Variants in EVI5 observed in about 807,000 individuals in gnomAD.
EVI5 encodes the protein ecotropic viral integration site 5 protein homolog.
Under a neutral mutation model 112.0 loss-of-function variants are expected in EVI5, and 73 were observed. That is an observed-to-expected ratio of 0.65 (90% confidence interval 0.54 to 0.79). The LOEUF (loss-of-function observed/expected upper bound fraction) is 0.79. Among genes scored for constraint, EVI5 ranks in the 30% least tolerant of loss-of-function variants. EVI5 has a pLI of 0.00. For synonymous variants in EVI5, 305 were observed against 319.9 expected (o/e 0.95, Z 0.50); for missense variants, 900 against 968.8 (o/e 0.93, Z 0.94).
chr1:92,568,545 T>C (rs960990607), intron 18 of EVI5, among the ~76,000 whole-genome samples: 2 of 152,228 alleles, frequency 1.3e-5, no homozygotes, highest in Admixed American at 1.3e-4. Context: ...TGTATGTGTA[T>C]GATTTCATGC....
At chr1:92,651,838 G>A (rs1224280787) in intron 13 of EVI5, among the ~76,000 whole-genome samples, 63 of 128,352 alleles carry the variant, frequency 4.9e-4, no homozygotes, top group Admixed American at 3.8e-3. Context: ...GCGACAGAGC[G>A]AGACTCCGTC....
intron 1 of EVI5, chr1:92,756,447 T>C: frequency 1.9e-6 from 1 of 539,922 alleles, no homozygotes; most frequent in Non-Finnish European, 3.8e-6. Flanking sequence ...TCTTCGAGGA[T>C]TATACTTCGT....
intron 10 of EVI5, among the ~76,000 whole-genome samples, chr1:92,671,232 G>A (rs2102265200): frequency 6.6e-6 from 1 of 152,164 alleles, no homozygotes; most frequent in African/African-American, 2.4e-5. Context: ...AAAATGCAAT[G>A]GTCATTTCTC....
At position 92,665,924 on chromosome 1, in the gene EVI5, T is replaced by C; in HGVS notation, c.1212+15A>G. ...GGCATTCAACAGAAGCTTGCATAAG[T>C]AGTCACTTACTTACTTTTTCTAATG... On this transcript the variant is annotated intron_variant, in intron 11 of 19. Coordinates refer to ENST00000684568, the MANE Select transcript of EVI5 (RefSeq NM_001350197.2). 2 of 1,564,522 alleles carry C rather than the reference T, an allele frequency of 1.3e-6. No individual in the cohort carries two copies. The highest frequency in any genetic ancestry group is 1.8e-5 in the Admixed American group (1 of 55,898).
intron 16 of EVI5, among the ~76,000 whole-genome samples, chr1:92,622,085 A>C (rs1654716418): frequency 6.6e-6 from 1 of 151,912 alleles, no homozygotes. Flanking sequence ...TGGCCACTGC[A>C]CTCCAGCCTG....
intron 9 of EVI5, among the ~76,000 whole-genome samples, chr1:92,687,987 G>C (rs1172537910): frequency 2.0e-5 from 3 of 152,130 alleles, no homozygotes; most frequent in Non-Finnish European, 4.4e-5. Context: ...ATTCCTCAAG[G>C]ATCTAGAACT....
intron 19 of EVI5, among the ~76,000 whole-genome samples, chr1:92,539,681 C>T (rs1664496931): frequency 6.6e-6 from 1 of 152,026 alleles, no homozygotes; most frequent in African/African-American, 2.4e-5. Flanking sequence ...AAGAGAAAGA[C>T]TATGAATTTT....
intron 19 of EVI5, among the ~76,000 whole-genome samples, chr1:92,517,921 A>C (rs1045808878): frequency 3.9e-4 from 53 of 136,672 alleles, no homozygotes; most frequent in Non-Finnish European, 6.0e-4. Context: ...CGGGGGAGAC[A>C]CGGTCTGGCA....
intron 2 of EVI5, among the ~76,000 whole-genome samples, chr1:92,715,299 G>A (rs887374450): frequency 1.3e-5 from 2 of 152,202 alleles, no homozygotes; most frequent in South Asian, 2.1e-4. Flanking sequence ...ATAAGCCACC[G>A]TGCCCTGACA....
upstream of EVI5, among the ~76,000 whole-genome samples, chr1:92,787,918 GATAA>G (rs768973389): frequency 4.6e-5 from 7 of 152,054 alleles, no homozygotes; most frequent in African/African-American, 9.7e-5. Context: ...TCTATGTGAA[GATAA>G]ATAAATGACA....
At chr1:92,691,664 T>C (rs1348221920) in intron 9 of EVI5, among the ~76,000 whole-genome samples, 3 of 151,710 alleles carry the variant, frequency 2.0e-5, no homozygotes, top group South Asian at 2.1e-4. Context: ...GAGAGAGAGG[T>C]TGAAGATAGA....
intron 1 of EVI5, among the ~76,000 whole-genome samples, chr1:92,747,070 C>A (rs1679366062): frequency 6.6e-6 from 1 of 152,104 alleles, no homozygotes. Flanking sequence ...ACAGGTTCCA[C>A]ATCCGCAGGT....
At chr1:92,627,837 T>C (rs1656016829) in intron 14 of EVI5, among the ~76,000 whole-genome samples, 1 of 152,106 alleles carries the variant, frequency 6.6e-6, no homozygotes, top group Non-Finnish European at 1.5e-5. Flanking sequence ...TCGCCCAGGC[T>C]GGAGCGCAAT....
chr1:92,597,163 A>G (rs886641006), intron 18 of EVI5, among the ~76,000 whole-genome samples: 1 of 152,188 alleles, frequency 6.6e-6, no homozygotes, highest in African/African-American at 2.4e-5. Context: ...AAGAAAACAA[A>G]AAGACAAAAA....
In EVI5 at chr1:92,661,034, C is replaced by A. The variant is rs373214494; in HGVS notation, c.1392+1685G>T. ...TTGGGAAAAAACACACACACACACACAAAACTGTCTTTGAGTATACAAGAT... is the reference window on the plus strand; with the variant it reads ...TTGGGAAAAAACACACACACACACAAAAAACTGTCTTTGAGTATACAAGAT... On this transcript the variant is annotated intron_variant, in intron 13 of 19. Coordinates refer to ENST00000684568, the MANE Select transcript of EVI5 (RefSeq NM_001350197.2). Among the ~76,000 whole-genome samples, 9 of 152,020 alleles carry A rather than the reference C, an allele frequency of 5.9e-5. No homozygotes were observed. The East Asian group carries it at 9.6e-4, about 16-fold the overall frequency.
intron 18 of EVI5, among the ~76,000 whole-genome samples, chr1:92,599,344 C>G (rs1189095365): frequency 2.0e-5 from 3 of 151,924 alleles, no homozygotes; most frequent in African/African-American, 7.2e-5. Context: ...CTGAAGACAT[C>G]TGAAGTACAA....
intron 2 of EVI5, among the ~76,000 whole-genome samples, chr1:92,713,487 C>A (rs528424662): frequency 1.1e-3 from 162 of 151,778 alleles, no homozygotes; most frequent in African/African-American, 3.6e-3. Context: ...TAAAAAGAAC[C>A]CTTTCTGGCC....
At chr1:92,658,261 T>G (rs1663353677) in intron 13 of EVI5, among the ~76,000 whole-genome samples, 1 of 152,060 alleles carries the variant, frequency 6.6e-6, no homozygotes, top group Admixed American at 6.6e-5. Context: ...GAGAAAGAAA[T>G]AAAAGATATT....
intron 6 of EVI5, among the ~76,000 whole-genome samples, chr1:92,697,559 T>C (rs2102496085): frequency 6.6e-6 from 1 of 152,310 alleles, no homozygotes; most frequent in South Asian, 2.1e-4. Flanking sequence ...GAGCTTAGAC[T>C]ACGTAACAAT....
Sources: allele counts gnomAD v4.1 joint callset (sites outside exome capture counted in the v4.1 genomes callset), GRCh38; gene constraint gnomAD v4.1.1; transcripts MANE v1.5; gene names NCBI Gene and HGNC (gene_info 2026-07-23, HGNC 2026-07-21).